DNAAF1: variants seen among roughly 807,000 people sequenced by gnomAD.
DNAAF1 encodes the protein dynein assembly factor 1, axonemal.
DNAAF1 carries 65 observed loss-of-function variants against 71.1 expected under a neutral mutation model. That is an observed-to-expected ratio of 0.91 (90% confidence interval 0.75 to 1.12). The LOEUF (loss-of-function observed/expected upper bound fraction) is 1.12. Ranked by LOEUF, DNAAF1 falls within the 50% of genes most tolerant of loss-of-function variation. DNAAF1 has a pLI of 0.00. For synonymous variants in DNAAF1, 414 were observed against 354.6 expected, an observed-to-expected ratio of 1.17 and a Z score of -1.88; for missense variants, 1,178 against 899.8, an observed-to-expected ratio of 1.31 and a Z score of -3.96.
chr16:84,157,328 GCCTGGTCAACATGGCAAA>G (rs2087487083), intron 5 of DNAAF1, among the ~76,000 whole-genome samples: 1 of 151,898 alleles, frequency 6.6e-6, no homozygotes, highest in Non-Finnish European at 1.5e-5. Flanking sequence ...TTTGAGACCA[GCCTGGTCAACATGGCAAA>G]ACCCCATCTC....
chr16:84,145,725 T>G (rs763765775), intron 1 of DNAAF1, among the ~76,000 whole-genome samples, 161 bp downstream of exon 1: 4 of 152,210 alleles, frequency 2.6e-5, no homozygotes, highest in Non-Finnish European at 5.9e-5. Flanking sequence ...TCTCGCCATT[T>G]CGTACTGAGG....
chr16:84,148,596 C>CTCTCTCTCTT lies in DNAAF1; in HGVS notation c.125-410_125-409insCTCTCTCTTT. Among the ~76,000 whole-genome samples, 12 of 43,578 alleles carry CTCTCTCTCTT rather than the reference C, an allele frequency of 2.8e-4. 1 individual carries two copies. The highest frequency in any genetic ancestry group is 1.1e-3 in the African/African-American group (12 of 10,862). 28.6% of individuals were successfully genotyped at this position (43,578 alleles called of 152,430 possible). Reference sequence around the variant, plus strand: ...AAAGATTACTGTTCTCTCTCTCTCTCTTTTTTTTTTTTTTTTTTGGTGAGA... The same window carrying CTCTCTCTCTT: ...AAAGATTACTGTTCTCTCTCTCTCTCTCTCTCTCTTTTTTTTTTTTTTTTTTTTGGTGAGA... On this transcript the variant is annotated intron_variant, in intron 1 of 11. Coordinates refer to ENST00000378553, the MANE Select transcript of DNAAF1 (RefSeq NM_178452.6).
Position 84,149,042 on chromosome 16 carries a change from T to A in DNAAF1, c.160T>A (p.Ser54Thr), listed in dbSNP as rs770277963. ...TCCTAAGGAAATATGTGTGGGTTCT[T>A]CTGACACATCCTACCACAGCCAGCA... ...NDPKEICVGS[S>T]DTSYHSQQKQ... The change falls in exon 2 of 12, where the codon TCT becomes ACT. Residue 54 changes from serine (S) to threonine (T), a missense_variant. Coordinates refer to ENST00000378553, the MANE Select transcript of DNAAF1 (RefSeq NM_178452.6). 1.2e-6 allele frequency: 2 copies of A among 1,614,166 alleles called. No individual in the cohort carries two copies. Among genetic ancestry groups the A allele is most frequent in the Non-Finnish European group, 1.7e-6 (2 of 1,180,030 alleles).
At chr16:84,158,289 G>A (rs935429097) in intron 5 of DNAAF1, among the ~76,000 whole-genome samples, 3 of 152,174 alleles carry the variant, frequency 2.0e-5, no homozygotes, top group Non-Finnish European at 4.4e-5. Flanking sequence ...TGTGGGCAGG[G>A]CTGGGTTCTC....
chr16:84,174,697 A>G lies in DNAAF1; in HGVS notation c.1673A>G (p.Glu558Gly). Residue 558 changes from glutamate (E) to glycine (G), a missense_variant, in exon 10 of 12, where the codon GAA (glutamate) becomes GGA (glycine). Glu to Gly is a moderately conservative substitution (Grantham distance 98). Coordinates refer to ENST00000378553, the MANE Select transcript of DNAAF1 (RefSeq NM_178452.6). ...CTACCTGACTTGGAAGATGATGATG[A>G]AACAGGCAAATCTCTGGAAGACCAG... The part of the protein sequence containing the change: ...DDLPDLEDDD[E>G]TGKSLEDQNM... 6.2e-7 allele frequency: 1 copy of G among 1,614,218 alleles called. No individual in the cohort carries two copies. The highest frequency in any genetic ancestry group is 8.5e-7 in the Non-Finnish European group (1 of 1,180,030).
At chr16:84,146,154 C>T (rs1400004276) in intron 1 of DNAAF1, among the ~76,000 whole-genome samples, 1 of 152,176 alleles carries the variant, frequency 6.6e-6, no homozygotes, top group African/African-American at 2.4e-5. Context: ...CCCAGACAGT[C>T]TGGGTCTCCA....
chr16:84,171,140 G>A (rs1239198680), intron 8 of DNAAF1, among the ~76,000 whole-genome samples: 1 of 152,104 alleles, frequency 6.6e-6, no homozygotes, highest in Admixed American at 6.6e-5. Context: ...CAGCCCGGGG[G>A]AAAAGTAGGG....
At chr16:84,152,003 A>C (rs2087208348) in intron 3 of DNAAF1, among the ~76,000 whole-genome samples, 1 of 152,212 alleles carries the variant, frequency 6.6e-6, no homozygotes, top group Non-Finnish European at 1.5e-5. Context: ...ACATGAAGGC[A>C]TTGACTAGGA....
chr16:84,170,946 G>A (rs951697227), intron 8 of DNAAF1, among the ~76,000 whole-genome samples: 1 of 152,138 alleles, frequency 6.6e-6, no homozygotes, highest in African/African-American at 2.4e-5. Flanking sequence ...ATGTTAACAT[G>A]GAATCAATAT....
intron 5 of DNAAF1, among the ~76,000 whole-genome samples, chr16:84,158,382 G>T (rs189684145): frequency 2.0e-5 from 3 of 152,232 alleles, no homozygotes; most frequent in African/African-American, 7.2e-5. Context: ...TGTGTTCTCT[G>T]TGTCCTACTT....
At chr16:84,157,940 G>T (rs1391600623) in intron 5 of DNAAF1, among the ~76,000 whole-genome samples, 4 of 152,194 alleles carry the variant, frequency 2.6e-5, no homozygotes, top group African/African-American at 2.4e-5. Context: ...AGGCACAGTG[G>T]CTCACGCCTG....
At chr16:84,148,596 C>CTCTCTTTTTTTT in intron 1 of DNAAF1, among the ~76,000 whole-genome samples, 13 of 43,562 alleles carry the variant, frequency 3.0e-4, no homozygotes, top group African/African-American at 1.0e-3. Context: ...CTCTCTCTCT[C>CTCTCTTTTTTTT]TTTTTTTTTT....
At position 84,172,097 on chromosome 16, in the gene DNAAF1, T is replaced by G. The variant is rs138486833; in HGVS notation, c.1529-163T>G. Among the ~76,000 whole-genome samples the G allele has an allele frequency of 6.7e-3, 1,021 of 152,266 alleles. 12 individuals are homozygous for G. Among genetic ancestry groups the G allele is most frequent in the African/African-American group, 0.024 (993 of 41,544 alleles). On this transcript the variant is annotated intron_variant, in intron 8 of 11. Transcript: ENST00000378553. ...TTTCACTGTGTTGGCCAGGCTGGAC[T>G]CAAACTTCTGACCTTGTGATCCGCC...
In DNAAF1 at chr16:84,160,181, A is replaced by T. The variant is rs544747145; in HGVS notation, c.863+385A>T. Reference sequence around the variant, plus strand: ...TCACATAACATAACCATGAAAGGAAATCTTTGCCAAGTTTGTTGATGGGTG... The same window carrying T: ...TCACATAACATAACCATGAAAGGAATTCTTTGCCAAGTTTGTTGATGGGTG... On this transcript the variant is annotated intron_variant, in intron 6 of 11. Coordinates refer to ENST00000378553, the MANE Select transcript of DNAAF1 (RefSeq NM_178452.6). 6.5e-4 allele frequency among the ~76,000 whole-genome samples: 99 copies of T among 152,364 alleles called. 2 individuals carry two copies. The South Asian group carries it at 0.018, about 28-fold the overall frequency.
intron 8 of DNAAF1, 81 bp downstream of exon 8, chr16:84,170,437 T>G (rs4578631): frequency 1.3e-6 from 2 of 1,599,628 alleles, no homozygotes; most frequent in Non-Finnish European, 1.7e-6. Context: ...CTGTGGGACC[T>G]GGGGCCTGAG....
In DNAAF1 at chr16:84,145,353, C is replaced by G. The variant is rs1432326898; in HGVS notation, c.-88C>G. Reference sequence around the variant, plus strand: ...GGCTGGCGAAGAAGGAAAGAGGGTACTCTCTGGCTGGGCTGGGGCCGTAGC... The same window carrying G: ...GGCTGGCGAAGAAGGAAAGAGGGTAGTCTCTGGCTGGGCTGGGGCCGTAGC... On this transcript the variant is annotated 5_prime_UTR_variant, in exon 1 of 12. Coordinates refer to ENST00000378553, the MANE Select transcript of DNAAF1 (RefSeq NM_178452.6). 8 of 1,537,122 alleles carry G rather than the reference C, an allele frequency of 5.2e-6. No individual in the cohort carries two copies. Among genetic ancestry groups the G allele is most frequent in the East Asian group, 2.4e-5 (1 of 40,894 alleles).
At chr16:84,159,028 G>A (rs2087574145) in intron 5 of DNAAF1, 1 of 987,144 alleles carries the variant, frequency 1.0e-6, no homozygotes. Flanking sequence ...ACCATGCCCA[G>A]CCCCACTAAG....
intron 6 of DNAAF1, among the ~76,000 whole-genome samples, chr16:84,160,902 A>C (rs1262173166): frequency 6.7e-6 from 1 of 150,094 alleles, no homozygotes; most frequent in Admixed American, 6.7e-5. Context: ...GCGCCACTGC[A>C]CTCCAGCCTG....
At chr16:84,165,741 G>T in intron 6 of DNAAF1, 42 bp from the exon 7 acceptor site, 2 of 1,579,318 alleles carry the variant, frequency 1.3e-6, no homozygotes, top group Non-Finnish European at 1.7e-6. Context: ...TGTATGTTTG[G>T]AGTTCACCTC....
Sources: allele counts gnomAD v4.1 joint callset (sites outside exome capture counted in the v4.1 genomes callset), GRCh38; gene constraint gnomAD v4.1.1; transcripts MANE v1.5; gene names NCBI Gene and HGNC (gene_info 2026-07-23, HGNC 2026-07-21).